The following MCC variants were observed in gnomAD, a reference collection of about 807,000 sequenced individuals.
MCC encodes MCC regulator of Wnt signaling pathway, also known as colorectal mutant cancer protein.
MCC carries 90 observed loss-of-function variants against 116.2 expected under a neutral mutation model. That is an observed-to-expected ratio of 0.77 (90% CI 0.65 to 0.92). The LOEUF is 0.92. Ranked by LOEUF, MCC falls within the 40% of genes least tolerant of loss-of-function variation. The probability of loss-of-function intolerance (pLI) is 0.00; values close to 1 mark genes in which losing one functional copy is unlikely to be tolerated. For missense variants in MCC, 1,516 were observed against 1,312.2 expected (o/e 1.16, Z -2.40); for synonymous variants, 578 against 510.5 (o/e 1.13, Z -1.78).
chr5:113,271,296 A>G (rs141178623), intron 3 of MCC, among the ~76,000 whole-genome samples: 217 of 152,296 alleles, frequency 1.4e-3, no homozygotes, highest in Non-Finnish European at 2.6e-3. Flanking sequence ...ACCTACCTAG[A>G]ACACTAGATT....
At chr5:113,170,740 G>C (rs1243755840) in intron 3 of MCC, among the ~76,000 whole-genome samples, 1 of 152,082 alleles carries the variant, frequency 6.6e-6, no homozygotes. Context: ...TTGACAAGAA[G>C]TTATAGACTT....
intron 3 of MCC, chr5:113,294,432 T>G (rs2150362544): frequency 1.2e-6 from 2 of 1,612,752 alleles, no homozygotes; most frequent in East Asian, 4.5e-5. Context: ...GTCTCGGAGC[T>G]TAAGAGTTGG....
chr5:113,118,815 C>T (rs746070434), intron 6 of MCC, among the ~76,000 whole-genome samples: 13 of 152,228 alleles, frequency 8.5e-5, no homozygotes, highest in African/African-American at 1.7e-4. Context: ...AACACACTGA[C>T]GGCACTGTGT....
intron 1 of MCC, among the ~76,000 whole-genome samples, chr5:113,422,257 A>C (rs1190365346): frequency 7.0e-6 from 1 of 142,070 alleles, no homozygotes; most frequent in Non-Finnish European, 1.5e-5. Context: ...GATGTGCTGT[A>C]CCACACCATG....
intron 3 of MCC, among the ~76,000 whole-genome samples, chr5:113,161,013 AT>A (rs1352095249): frequency 6.6e-6 from 1 of 152,206 alleles, no homozygotes; most frequent in Non-Finnish European, 1.5e-5. Context: ...AATATTTTAT[AT>A]ATTTTGTAAA....
intron 2 of MCC, among the ~76,000 whole-genome samples, chr5:113,365,590 T>C (rs1220645145): frequency 6.6e-6 from 1 of 152,238 alleles, no homozygotes; most frequent in Non-Finnish European, 1.5e-5. Context: ...GGTATCTTTA[T>C]AGCAACACCC....
intron 14 of MCC, among the ~76,000 whole-genome samples, chr5:113,059,263 C>T (rs1044416981): frequency 2.0e-5 from 3 of 152,220 alleles, no homozygotes; most frequent in East Asian, 1.9e-4. Context: ...ACAGCCCCTC[C>T]GGCTTCCCTT....
chr5:113,071,585 G>A (rs1461666367), intron 11 of MCC, among the ~76,000 whole-genome samples: 1 of 152,186 alleles, frequency 6.6e-6, no homozygotes, highest in East Asian at 1.9e-4. Context: ...CGTCTGGTGG[G>A]CTTAGATAAG....
At chr5:113,374,864 C>T (rs537278127) in intron 2 of MCC, among the ~76,000 whole-genome samples, 37 of 151,836 alleles carry the variant, frequency 2.4e-4, no homozygotes, top group African/African-American at 8.2e-4. Context: ...TGGTGGTGCA[C>T]GCCTGTGGTC....
chr5:113,207,948 C>T (rs1438419831), intron 3 of MCC, among the ~76,000 whole-genome samples: 1 of 152,160 alleles, frequency 6.6e-6, no homozygotes, highest in African/African-American at 2.4e-5. Flanking sequence ...TCAATCGTGT[C>T]TGCCTTCACC....
At chr5:113,168,797 C>T (rs1760909747) in intron 3 of MCC, among the ~76,000 whole-genome samples, 2 of 152,002 alleles carry the variant, frequency 1.3e-5, no homozygotes, top group Admixed American at 1.3e-4. Flanking sequence ...GAGAACGGGG[C>T]AGGGGCAACA....
intron 3 of MCC, among the ~76,000 whole-genome samples, chr5:113,160,657 C>T (rs935162): frequency 0.4 from 60,080 of 151,960 alleles, 12,576 homozygotes; most frequent in African/African-American, 0.54. Context: ...CAAATACCCA[C>T]GAAACTGTTG....
chr5:113,488,105 C>G, intron 1 of MCC, 140 bp downstream of exon 1: 1 of 852,984 alleles, frequency 1.2e-6, no homozygotes, highest in Non-Finnish European at 1.7e-6. Flanking sequence ...CGGCTACGCG[C>G]TCTCGGAGTC....
intron 15 of MCC, among the ~76,000 whole-genome samples, chr5:113,051,628 G>A (rs780501049): frequency 6.6e-6 from 1 of 152,160 alleles, no homozygotes; most frequent in South Asian, 2.1e-4. Context: ...GGGAGGCTGA[G>A]GCAGGAGGAT....
chr5:113,164,971 C>G (rs2150299713), intron 3 of MCC, among the ~76,000 whole-genome samples: 1 of 152,290 alleles, frequency 6.6e-6, no homozygotes, highest in East Asian at 1.9e-4. Flanking sequence ...ACTCTGTAGC[C>G]AAAAAGGCGC....
chr5:113,074,493 C>A (rs1469057857), intron 11 of MCC, among the ~76,000 whole-genome samples: 1 of 152,232 alleles, frequency 6.6e-6, no homozygotes. Flanking sequence ...CAAAGGAAGA[C>A]AGCTCCTCGC....
At chr5:113,172,310 T>C (rs1761113942) in intron 3 of MCC, among the ~76,000 whole-genome samples, 1 of 152,214 alleles carries the variant, frequency 6.6e-6, no homozygotes, top group African/African-American at 2.4e-5. Flanking sequence ...TCTTTAAGGT[T>C]ATTTAACAGC....
chr5:113,150,970 G>T (rs1202498574), intron 4 of MCC, among the ~76,000 whole-genome samples: 1 of 152,198 alleles, frequency 6.6e-6, no homozygotes, highest in Non-Finnish European at 1.5e-5. Flanking sequence ...CTTGAGCCTG[G>T]GAAGTTGAGG....
chr5:113,202,266 C>A (rs981725908), intron 3 of MCC, among the ~76,000 whole-genome samples: 1 of 151,958 alleles, frequency 6.6e-6, no homozygotes, highest in African/African-American at 2.4e-5. Flanking sequence ...AAAGCAATCC[C>A]GGGGTTGTGC....
Sources: allele counts gnomAD v4.1 joint callset (sites outside exome capture counted in the v4.1 genomes callset), GRCh38; gene constraint gnomAD v4.1.1; transcripts MANE v1.5; gene names NCBI Gene and HGNC (gene_info 2026-07-23, HGNC 2026-07-21).